Variants in MOSMO observed in about 807,000 individuals in gnomAD.
MOSMO encodes modulator of smoothened.
MOSMO carries 5 observed loss-of-function variants against 18.4 expected under a neutral mutation model. That is an observed-to-expected ratio of 0.27 (90% CI 0.14 to 0.57). MOSMO has a LOEUF of 0.57. MOSMO is among the 20% of genes least tolerant of loss of function. The pLI, the probability that MOSMO is intolerant of heterozygous loss-of-function variation, is 0.92. For missense variants in MOSMO, 138 were observed against 211.8 expected (o/e 0.65, Z 2.16); for synonymous variants, 82 against 82.3 (o/e 1.00, Z 0.02).
At chr16:22,035,263 G>A (rs1273695362) in intron 1 of MOSMO, among the ~76,000 whole-genome samples, 1 of 152,148 alleles carries the variant, frequency 6.6e-6, no homozygotes, top group Non-Finnish European at 1.5e-5. Context: ...AAGCTAGAGA[G>A]GGCTGGAGTT....
intron 1 of MOSMO, among the ~76,000 whole-genome samples, chr16:22,012,836 T>C (rs1899560393): frequency 6.6e-6 from 1 of 152,024 alleles, no homozygotes; most frequent in African/African-American, 2.4e-5. Context: ...GAGTTTTTCA[T>C]GTTTTTATTG....
At chr16:22,092,260 G>A (rs975596003), downstream of MOSMO, 2 of 171,282 alleles carry the variant, frequency 1.2e-5, no homozygotes, top group Non-Finnish European at 2.5e-5. Context: ...TCCTACCACA[G>A]GAAGGCCACA....
intron 1 of MOSMO, among the ~76,000 whole-genome samples, chr16:22,030,817 C>G (rs1414729377): frequency 6.6e-6 from 1 of 152,226 alleles, no homozygotes; most frequent in East Asian, 1.9e-4. Context: ...GCATGAGCCA[C>G]TGCACCCAGT....
At chr16:22,076,760 C>A in intron 2 of MOSMO, among the ~76,000 whole-genome samples, 1 of 152,160 alleles carries the variant, frequency 6.6e-6, no homozygotes, top group East Asian at 1.9e-4. Flanking sequence ...TAAAGGGCTG[C>A]AGGAGAGTGA....
In MOSMO at chr16:22,070,303, G is replaced by A. The variant is rs145915538; in HGVS notation, c.107-5184G>A. On this transcript the variant is annotated intron_variant, in intron 1 of 2. Coordinates refer to ENST00000542527, the MANE Select transcript of MOSMO (RefSeq NM_001164579.2). ...CAGCAGCACCCGTCTGCTCTGATGT[G>A]ATTTTCTCCATCAGCATTCCACAGC... Among the ~76,000 whole-genome samples, 773 of 152,290 alleles carry A rather than the reference G, an allele frequency of 5.1e-3. 2 individuals are homozygous for A. The highest frequency in any genetic ancestry group is 8.3e-3 in the Non-Finnish European group (563 of 68,016).
At chr16:22,018,321 G>A (rs1358697739) in intron 1 of MOSMO, among the ~76,000 whole-genome samples, 1 of 152,098 alleles carries the variant, frequency 6.6e-6, no homozygotes, top group Non-Finnish European at 1.5e-5. Context: ...TTGTTTACCT[G>A]GAACATGGTT....
rs1384342902 is a variant in MOSMO at position 22,084,487 on chromosome 16, C to T, written c.*3607C>T. 3.3e-5 allele frequency: 5 copies of T among 151,934 alleles called. No individual in the cohort carries two copies. In the East Asian group the frequency reaches 9.6e-4, roughly 29 times the overall value. 9.4% of individuals were successfully genotyped at this position (151,934 alleles called of 1,614,324 possible). A position where few individuals can be genotyped will look rare whatever the true frequency, so the allele number is the denominator to read the frequency against. On this transcript the variant is annotated 3_prime_UTR_variant, in exon 3 of 3. Coordinates refer to ENST00000542527, the MANE Select transcript of MOSMO (RefSeq NM_001164579.2). ...TTGTGATCAAGGTCTGTATATTATC[C>T]CAAACTTTATTAAGAATTGTTTTCT...
At chr16:22,077,366 AT>A (rs1225768334) in intron 2 of MOSMO, among the ~76,000 whole-genome samples, 5 of 152,030 alleles carry the variant, frequency 3.3e-5, no homozygotes, top group East Asian at 3.9e-4. Flanking sequence ...AATGCAATGT[AT>A]TTTTTTCTTT....
Position 22,065,369 on chromosome 16 carries a change from C to T in MOSMO, c.107-10118C>T, listed in dbSNP as rs1357653580. Among the ~76,000 whole-genome samples, 4 of 152,170 alleles carry T rather than the reference C, an allele frequency of 2.6e-5. No individual in the cohort carries two copies. In the East Asian group the frequency reaches 7.7e-4, roughly 29 times the overall value. On this transcript the variant is annotated intron_variant, in intron 1 of 2. Coordinates refer to ENST00000542527, the MANE Select transcript of MOSMO (RefSeq NM_001164579.2). ...TTTCATTATAATAGCAAAGCTTTCT[C>T]AATCTCCAGGCTTCCGGCATTGGTA... is the stretch of plus-strand genomic sequence containing the variant.
intron 1 of MOSMO, among the ~76,000 whole-genome samples, chr16:22,013,813 G>A (rs1381490442): frequency 6.7e-6 from 1 of 149,066 alleles, no homozygotes; most frequent in African/African-American, 2.5e-5. Flanking sequence ...TAAGGTTAGT[G>A]TATTCATTTC....
intron 1 of MOSMO, among the ~76,000 whole-genome samples, chr16:22,027,989 G>GT (rs903205303): frequency 6.6e-6 from 1 of 152,012 alleles, no homozygotes; most frequent in Admixed American, 6.6e-5. Flanking sequence ...AAAATGTATC[G>GT]TTTTTTAGGT....
chr16:22,009,892 G>A (rs1899487615), intron 1 of MOSMO, among the ~76,000 whole-genome samples: 1 of 151,038 alleles, frequency 6.6e-6, no homozygotes, highest in South Asian at 2.1e-4. Context: ...CTCAGGAGGT[G>A]AGGCAGGAGA....
At chr16:22,050,832 G>C (rs1489155641) in intron 1 of MOSMO, among the ~76,000 whole-genome samples, 1 of 148,198 alleles carries the variant, frequency 6.7e-6, no homozygotes, top group Non-Finnish European at 1.5e-5. Context: ...AGAAGTTTGA[G>C]ACTACAGTGA....
chr16:22,076,239 T>C (rs72784936), intron 2 of MOSMO: 1,853 of 152,852 alleles, frequency 0.012, 21 homozygotes, highest in Middle Eastern at 0.044. Flanking sequence ...ACACATTCTC[T>C]TGTACTTTGC....
chr16:22,033,505 A>G (rs895730910), intron 1 of MOSMO, among the ~76,000 whole-genome samples: 1 of 151,616 alleles, frequency 6.6e-6, no homozygotes. Flanking sequence ...CTCCTGCCTC[A>G]GCCTCCTGAG....
chr16:22,080,957 A>G lies in MOSMO; in HGVS notation c.*77A>G, dbSNP rs1464090030. The G allele has an allele frequency of 1.5e-6, 1 of 670,348 alleles. No homozygotes were observed. Among genetic ancestry groups the G allele is most frequent in the Non-Finnish European group, 2.1e-6 (1 of 465,882 alleles). 41.5% of individuals were successfully genotyped at this position (670,348 alleles called of 1,614,324 possible). A position where few individuals can be genotyped will look rare whatever the true frequency, so the allele number is the denominator to read the frequency against. On this transcript the variant is annotated 3_prime_UTR_variant, in exon 3 of 3. Transcript: ENST00000542527. ...TTATTTTTGGAGGGTGGAGAGGACA[A>G]AGGCGAGGCATCTGAGCAGGCCTCT...
In MOSMO at chr16:22,013,444, ACAAGCTTCTTAATTTCACTGT is replaced by A. The variant is rs1027476121; in HGVS notation, c.106+5040_106+5060del. On this transcript the variant is annotated intron_variant, in intron 1 of 2. Transcript: ENST00000542527. ...GGAGACTTGGGGGTCTTTGCTTTGT[ACAAGCTTCTTAATTTCACTGT>A]CACTCTCTTCTCACCCCTGAAGAGA... is the stretch of plus-strand genomic sequence containing the variant. Among the ~76,000 whole-genome samples, 39 of 152,312 alleles carry A rather than the reference ACAAGCTTCTTAATTTCACTGT, an allele frequency of 2.6e-4. 1 individual carries two copies. Among genetic ancestry groups the A allele is most frequent in the Admixed American group, 1.8e-3 (28 of 15,302 alleles).
At position 22,037,125 on chromosome 16, in the gene MOSMO, C is replaced by T. The variant is rs367546299; in HGVS notation, c.106+28718C>T. 3.3e-5 allele frequency among the ~76,000 whole-genome samples: 5 copies of T among 152,130 alleles called. No homozygotes were observed. In the East Asian group the frequency reaches 9.6e-4, roughly 29 times the overall value. On this transcript the variant is annotated intron_variant, in intron 1 of 2. Transcript: ENST00000542527. ...AAGCTAGACTCAAGAGGAAAACCAG[C>T]CAGGCATGTTGGCTCGTGCCTATAG...
chr16:22,051,070 A>G (rs1900415362), intron 1 of MOSMO, among the ~76,000 whole-genome samples: 1 of 152,080 alleles, frequency 6.6e-6, no homozygotes, highest in African/African-American at 2.4e-5. Flanking sequence ...AAAACCTAGA[A>G]GCTATAAAAG....
Sources: gnomAD v4.1 joint callset for allele counts (sites outside exome capture counted in the v4.1 genomes callset) on GRCh38, gnomAD v4.1.1 for gene constraint, MANE v1.5 for transcripts, NCBI Gene and HGNC (gene_info 2026-07-23, HGNC 2026-07-21) for gene names.